Variants in AP1M2 observed in about 807,000 individuals in gnomAD.
The protein encoded by AP1M2 is AP-1 complex subunit mu-2.
AP1M2 carries 41 observed loss-of-function variants against 54.6 expected under a neutral mutation model. The observed-to-expected ratio is 0.75, with a 90% CI of 0.59 to 0.97. The LOEUF (loss-of-function observed/expected upper bound fraction) is 0.97, where lower values mean the gene tolerates loss of function less well. AP1M2 is among the 50% of genes least tolerant of loss of function. The probability of loss-of-function intolerance (pLI) is 0.00; values close to 1 mark genes in which losing one functional copy is unlikely to be tolerated. For missense variants in AP1M2, 507 were observed against 561.2 expected (o/e 0.90, Z 0.98); for synonymous variants, 219 against 215.9 (o/e 1.01, Z -0.13).
rs145714307 is a variant in AP1M2, at chr19:10,583,439, A to C, written c.267+167T>G. 579 of 523,404 alleles carry C rather than the reference A, an allele frequency of 1.1e-3. 5 individuals are homozygous for C. In the East Asian group the frequency reaches 0.016, roughly 15 times the overall value. 32.4% of individuals were successfully genotyped at this position (523,404 alleles called of 1,614,324 possible). A position where few individuals can be genotyped will look rare whatever the true frequency, so the allele number is the denominator to read the frequency against. ...TGCTTCAATCCAGAAGTTCTAGACCAGCCTGGGCAATATAGCAAGACCCCA... is the reference window on the plus strand; with the variant it reads ...TGCTTCAATCCAGAAGTTCTAGACCCGCCTGGGCAATATAGCAAGACCCCA... On this transcript the variant is annotated intron_variant, in intron 3 of 11. Coordinates refer to ENST00000250244, the MANE Select transcript of AP1M2 (RefSeq NM_005498.5).
Position 10,583,950 on chromosome 19 carries a change from C to A in AP1M2, c.163G>T (p.Val55Phe). The A allele has an allele frequency of 1.2e-6, 2 of 1,602,276 alleles. No individual in the cohort carries two copies. The highest frequency in any genetic ancestry group is 1.7e-6 in the Non-Finnish European group (2 of 1,174,650). ...ALAPLLSHGQ[V>F]HFLWIKHSNL... ...CTGTGTTTGATCCATAGGAAGTGGA[C>A]CTGGCCGTGGCTCAGCAGCGGGGCC... Residue 55 changes from valine to phenylalanine, a missense_variant, in exon 2 of 12, where the codon GTC (valine) becomes TTC (phenylalanine). Val to Phe is a conservative substitution (Grantham distance 50). Coordinates refer to ENST00000250244, the MANE Select transcript of AP1M2 (RefSeq NM_005498.5).
chr19:10,585,286 A>AGAAG (rs1917605453), intron 1 of AP1M2, among the ~76,000 whole-genome samples: 3 of 58,092 alleles, frequency 5.2e-5, no homozygotes, highest in African/African-American at 2.1e-4. Flanking sequence ...GAAGAAAAAA[A>AGAAG]GAAAGAAAGA....
At chr19:10,580,672 A>G (rs955686459) in intron 6 of AP1M2, among the ~76,000 whole-genome samples, 15 of 151,884 alleles carry the variant, frequency 9.9e-5, no homozygotes, top group Non-Finnish European at 1.6e-4. Flanking sequence ...AAATCAATCA[A>G]TCAGTCAATA....
intron 4 of AP1M2, 29 bp from the exon 5 acceptor site, chr19:10,581,663 C>G (rs370831236): frequency 6.2e-7 from 1 of 1,612,952 alleles, no homozygotes; most frequent in African/African-American, 1.3e-5. Context: ...GGACAAGCAG[C>G]TGGACCCAGG....
intron 10 of AP1M2, 71 bp downstream of exon 10, chr19:10,574,833 G>C (rs2304162): frequency 6.7e-7 from 1 of 1,501,652 alleles, no homozygotes; most frequent in South Asian, 1.3e-5. Context: ...GAGGTGACTC[G>C]AGCCAAGGGA....
In AP1M2 at chr19:10,577,375, T is replaced by C. The variant is rs913505196; in HGVS notation, c.889-19A>G. 2 of 1,547,082 alleles carry C rather than the reference T, an allele frequency of 1.3e-6. No homozygotes were observed. Among genetic ancestry groups the C allele is most frequent in the Admixed American group, 1.8e-5 (1 of 55,922 alleles). On this transcript the variant is annotated intron_variant, in intron 8 of 11. Transcript: ENST00000250244. ...CCTTGGCCTGTCAGGGGAGCGAGCA[T>C]GGGGCACGAAGAATTCGCTTGCTCA...
chr19:10,579,027 T>G (rs1187338958), intron 7 of AP1M2, 64 bp from the exon 8 acceptor site: 4 of 1,316,568 alleles, frequency 3.0e-6, no homozygotes, highest in Non-Finnish European at 4.2e-6. Flanking sequence ...TTTTTTTTTT[T>G]TTTTTTTCTT....
At chr19:10,582,063 C>T (rs1278782793) in intron 3 of AP1M2, among the ~76,000 whole-genome samples, 185 bp from the exon 4 acceptor site, 2 of 149,684 alleles carry the variant, frequency 1.3e-5, no homozygotes, top group African/African-American at 2.5e-5. Context: ...TTTTTTTTTT[C>T]GAGACAGTCT....
rs551767927 is a variant in AP1M2, at chr19:10,576,423, C to T, written c.1047+775G>A. Reference sequence around the variant, plus strand: ...GACTACAGGCGCCTGCAACCACGCCCGGCTAATTTTTTGTATTTTTAGTAG... The same window carrying T: ...GACTACAGGCGCCTGCAACCACGCCTGGCTAATTTTTTGTATTTTTAGTAG... On this transcript the variant is annotated intron_variant, in intron 9 of 11. Coordinates refer to ENST00000250244, the MANE Select transcript of AP1M2 (RefSeq NM_005498.5). Among the ~76,000 whole-genome samples, 89 of 151,876 alleles carry T rather than the reference C, an allele frequency of 5.9e-4. No homozygotes were observed. In the South Asian group the frequency reaches 0.013, roughly 22 times the overall value.
At chr19:10,578,763 G>T (rs761145325) in intron 8 of AP1M2, 129 bp downstream of exon 8, 3 of 588,886 alleles carry the variant, frequency 5.1e-6, no homozygotes, top group Non-Finnish European at 6.0e-6. Flanking sequence ...TGTTGCCCAG[G>T]CTGGTCTCAA....
In AP1M2 at chr19:10,575,543, G is replaced by T. The variant is rs185932109; in HGVS notation, c.1048-514C>A. Among the ~76,000 whole-genome samples the T allele has an allele frequency of 2.0e-5, 3 of 152,018 alleles. No homozygotes were observed. In the East Asian group the frequency reaches 5.8e-4, roughly 29 times the overall value. On this transcript the variant is annotated intron_variant, in intron 9 of 11. Coordinates refer to ENST00000250244, the MANE Select transcript of AP1M2 (RefSeq NM_005498.5). Reference sequence around the variant, plus strand: ...ACTGAGCCTCCTTAAGTGGAAATGGGTTTCCCAAACCCACCCAGCTCAGCA... The same window carrying T: ...ACTGAGCCTCCTTAAGTGGAAATGGTTTTCCCAAACCCACCCAGCTCAGCA...
rs1917549564 is a variant in AP1M2 at position 10,583,954 on chromosome 19, G to A, written c.159C>T (p.Gly53=). The change falls in exon 2 of 12, where the codon GGC becomes GGT. Residue 53 remains glycine (G), a synonymous_variant. Transcript: ENST00000250244. ...GTTTGATCCATAGGAAGTGGACCTG[G>A]CCGTGGCTCAGCAGCGGGGCCAGGG... The part of the protein sequence containing the change: ...EGALAPLLSH[G]QVHFLWIKHS... The A allele has an allele frequency of 1.9e-6, 3 of 1,602,866 alleles. No homozygotes were observed. The highest frequency in any genetic ancestry group is 2.2e-5 in the East Asian group (1 of 44,454).
At chr19:10,582,823 G>C (rs566926690) in intron 3 of AP1M2, among the ~76,000 whole-genome samples, 152 of 56,656 alleles carry the variant, frequency 2.7e-3, no homozygotes, top group African/African-American at 0.011. Flanking sequence ...GGCAGGTATG[G>C]TGGCTTCTTT....
chr19:10,585,360 C>T (rs1470313523), intron 1 of AP1M2, among the ~76,000 whole-genome samples: 1 of 125,750 alleles, frequency 8.0e-6, no homozygotes, highest in Admixed American at 7.9e-5. Flanking sequence ...AGAAAGATGA[C>T]AGTTCATATG....
chr19:10,580,839 C>T (rs1056104674), intron 6 of AP1M2, among the ~76,000 whole-genome samples: 13 of 151,976 alleles, frequency 8.6e-5, no homozygotes, highest in Admixed American at 6.6e-5. Context: ...CCTGTAGTCC[C>T]AGCTACTCGA....
At chr19:10,584,141 C>T in intron 1 of AP1M2, 71 bp from the exon 2 acceptor site, 1 of 1,532,412 alleles carries the variant, frequency 6.5e-7, no homozygotes, top group Non-Finnish European at 8.8e-7. Context: ...AGGCACAGTG[C>T]CCGGTTCTGA....
chr19:10,581,536 T>A lies in AP1M2; in HGVS notation c.497A>T (p.Tyr166Phe), dbSNP rs769247663. Residue 166 changes from tyrosine (Y) to phenylalanine (F), a missense_variant, in exon 5 of 12, where the codon TAT becomes TTT. By Grantham distance (22) the Tyr-to-Phe change is conservative (BLOSUM62 3). Coordinates refer to ENST00000250244, the MANE Select transcript of AP1M2 (RefSeq NM_005498.5). ...AVSWRSEGIK[Y>F]KKNEVFIDVI... is the part of the protein sequence containing the mutation. Reference sequence around the variant, plus strand: ...ATCAATGAAGACCTCGTTCTTCTTATACTTGATACCCTCGGAGCGCCAGGA... The same window carrying A: ...ATCAATGAAGACCTCGTTCTTCTTAAACTTGATACCCTCGGAGCGCCAGGA... 1 of 1,613,950 alleles carries A rather than the reference T, an allele frequency of 6.2e-7. No homozygotes were observed. Among genetic ancestry groups the A allele is most frequent in the Admixed American group, 1.7e-5 (1 of 59,978 alleles).
Position 10,572,982 on chromosome 19 carries a change from A to C in AP1M2, c.*84T>G. ...AGGACCTGCCCTCACACAGACACAC[A>C]CAGCCCGCACCTGCCCTCCCTCTAA... On this transcript the variant is annotated 3_prime_UTR_variant, in exon 12 of 12. Coordinates refer to ENST00000250244, the MANE Select transcript of AP1M2 (RefSeq NM_005498.5). 1 of 1,443,938 alleles carries C rather than the reference A, an allele frequency of 6.9e-7. No homozygotes were observed. The highest frequency in any genetic ancestry group is 1.2e-5 in the South Asian group (1 of 81,726). The allele number at this position is 1,443,938 out of a possible 1,614,324, so 89.4% of individuals were successfully genotyped here.
At chr19:10,585,345 A>AAGAAAGAAAGAAAG (rs1917622966) in intron 1 of AP1M2, among the ~76,000 whole-genome samples, 6 of 150,436 alleles carry the variant, frequency 4.0e-5, no homozygotes, top group Admixed American at 2.7e-4. Flanking sequence ...GAAAGAAAGA[A>AAGAAAGAAAGAAAG]AGAAAGAAAG....
Sources: gnomAD v4.1 joint callset for allele counts (sites outside exome capture counted in the v4.1 genomes callset) on GRCh38, gnomAD v4.1.1 for gene constraint, MANE v1.5 for transcripts, NCBI Gene and HGNC (gene_info 2026-07-23, HGNC 2026-07-21) for gene names.